The following GRIK1 variants were observed in gnomAD, a reference collection of about 807,000 sequenced individuals.
GRIK1 encodes glutamate receptor ionotropic, kainate 1.
A neutral mutation model predicts 105.7 loss-of-function variants in GRIK1; 69 were observed. That is an observed-to-expected ratio of 0.65 (90% confidence interval 0.54 to 0.80). GRIK1 has a LOEUF of 0.80. GRIK1 is among the 30% of genes least tolerant of loss of function. The pLI is 0.00. For synonymous variants in GRIK1, 438 were observed against 431.3 expected, an observed-to-expected ratio of 1.02 and a Z score of -0.19; for missense variants, 1,109 against 1,167.3, an observed-to-expected ratio of 0.95 and a Z score of 0.73.
intron 1 of GRIK1, among the ~76,000 whole-genome samples, chr21:29,846,890 T>C (rs916199636): frequency 1.2e-4 from 18 of 152,228 alleles, no homozygotes; most frequent in African/African-American, 3.6e-4. Flanking sequence ...TATATGTATG[T>C]ATGTGTGTAT....
At chr21:29,598,378 T>C (rs2061455736) in intron 8 of GRIK1, among the ~76,000 whole-genome samples, 1 of 152,224 alleles carries the variant, frequency 6.6e-6, no homozygotes, top group African/African-American at 2.4e-5. Context: ...GTCTCTTCTA[T>C]CCTACTTTAT....
chr21:29,623,633 C>T lies in GRIK1; in HGVS notation c.1098+19193G>A, dbSNP rs1601303763. Among the ~76,000 whole-genome samples, 7 of 152,096 alleles carry T rather than the reference C, an allele frequency of 4.6e-5. No homozygotes were observed. In the South Asian group the frequency reaches 1.4e-3, roughly 31 times the overall value. On this transcript the variant is annotated intron_variant, in intron 7 of 17. Transcript: ENST00000327783. ...TGTATAAATCCAGCTTAAAAATACC[C>T]TTATTTCATGAATAACCTCAATAAC...
intron 4 of GRIK1, among the ~76,000 whole-genome samples, chr21:29,655,702 G>A (rs1391727936): frequency 6.6e-6 from 1 of 152,152 alleles, no homozygotes; most frequent in African/African-American, 2.4e-5. Flanking sequence ...GGGGAAGAGA[G>A]GATTCATTTA....
At chr21:29,737,254 T>C (rs1032981456) in intron 1 of GRIK1, among the ~76,000 whole-genome samples, 2 of 152,232 alleles carry the variant, frequency 1.3e-5, no homozygotes, top group African/African-American at 4.8e-5. Context: ...CTAACATTTC[T>C]GCTTGAAGCA....
At chr21:29,537,575 T>C (rs964215119) in intron 17 of GRIK1, 190 bp from the exon 18 acceptor site, 25 of 662,836 alleles carry the variant, frequency 3.8e-5, no homozygotes, top group Non-Finnish European at 6.2e-5. Context: ...GAAACTGAGA[T>C]GGCAAGTTAG....
chr21:29,726,188 G>A (rs2064453624), intron 1 of GRIK1, among the ~76,000 whole-genome samples: 1 of 152,180 alleles, frequency 6.6e-6, no homozygotes, highest in Non-Finnish European at 1.5e-5. Context: ...TGAGCAGAAG[G>A]AAATGAATAT....
At chr21:29,853,531 T>C (rs2068371326) in intron 1 of GRIK1, among the ~76,000 whole-genome samples, 1 of 152,240 alleles carries the variant, frequency 6.6e-6, no homozygotes, top group African/African-American at 2.4e-5. Flanking sequence ...ATTTCAGTAG[T>C]AAAAGTATTT....
intron 1 of GRIK1, 39 bp downstream of exon 1, chr21:29,939,344 G>T: frequency 8.1e-7 from 1 of 1,227,006 alleles, no homozygotes; most frequent in South Asian, 1.3e-5. Flanking sequence ...TGCGGCGACC[G>T]ACCACGTCTC....
At chr21:29,773,000 G>A (rs1303547927) in intron 1 of GRIK1, among the ~76,000 whole-genome samples, 1 of 152,128 alleles carries the variant, frequency 6.6e-6, no homozygotes, top group East Asian at 1.9e-4. Flanking sequence ...ATGAACAAAT[G>A]CTGTTAATGA....
At chr21:29,649,599 A>G (rs1346139388) in intron 6 of GRIK1, among the ~76,000 whole-genome samples, 1 of 152,158 alleles carries the variant, frequency 6.6e-6, no homozygotes, top group Admixed American at 6.5e-5. Context: ...GCCTGATTCC[A>G]CATGAATTGC....
chr21:29,544,670 T>A (rs1206295592), intron 16 of GRIK1, among the ~76,000 whole-genome samples: 1 of 152,232 alleles, frequency 6.6e-6, no homozygotes, highest in Non-Finnish European at 1.5e-5. Context: ...TTGAAGCTAT[T>A]AATTACAACA....
At position 29,806,456 on chromosome 21, in the gene GRIK1, A is replaced by G. The variant is rs867941297; in HGVS notation, c.119-112393T>C. On this transcript the variant is annotated intron_variant, in intron 1 of 17. Transcript: ENST00000327783. ...TACTTAGATTAGCAGGTTTATGATA[A>G]TCATTTTGGCATTATTTTCCCACTG... 1.8e-4 allele frequency among the ~76,000 whole-genome samples: 27 copies of G among 152,258 alleles called. No homozygotes were observed. In the South Asian group the frequency reaches 2.3e-3, roughly 13 times the overall value.
chr21:29,597,605 A>T (rs753440035), intron 8 of GRIK1: 1 of 435,544 alleles, frequency 2.3e-6, no homozygotes, highest in Non-Finnish European at 4.7e-6. Context: ...GACTGGCTGG[A>T]TGCCCTGTGC....
At chr21:29,660,509 G>A (rs1024934692) in intron 4 of GRIK1, among the ~76,000 whole-genome samples, 6 of 152,178 alleles carry the variant, frequency 3.9e-5, no homozygotes, top group Non-Finnish European at 8.8e-5. Context: ...AGACAGCAAT[G>A]AAAAATTCCT....
intron 7 of GRIK1, among the ~76,000 whole-genome samples, chr21:29,602,212 G>A (rs1445061758): frequency 1.3e-5 from 2 of 152,062 alleles, no homozygotes; most frequent in Admixed American, 1.3e-4. Flanking sequence ...ACCATAGAGG[G>A]GTTTAATGAA....
At chr21:29,554,165 G>T (rs540706730) in intron 16 of GRIK1, among the ~76,000 whole-genome samples, 6 of 152,224 alleles carry the variant, frequency 3.9e-5, no homozygotes, top group African/African-American at 1.4e-4. Context: ...GGGACACTTT[G>T]TTCAAAAATT....
chr21:29,697,979 GTCTCTTTCTTTCTT>G (rs934868180), intron 1 of GRIK1, among the ~76,000 whole-genome samples: 14 of 109,704 alleles, frequency 1.3e-4, no homozygotes, highest in South Asian at 8.2e-4. Context: ...CTTTCTCTCT[GTCTCTTTCTTTCTT>G]TCTCTTTCTT....
At chr21:29,587,149 A>T (rs1412861951) in intron 12 of GRIK1, among the ~76,000 whole-genome samples, 4 of 152,232 alleles carry the variant, frequency 2.6e-5, no homozygotes, top group African/African-American at 9.6e-5. Flanking sequence ...TTAAACTAAT[A>T]TTAAAAATTA....
At chr21:29,714,255 A>G (rs960028863) in intron 1 of GRIK1, among the ~76,000 whole-genome samples, 1 of 151,832 alleles carries the variant, frequency 6.6e-6, no homozygotes, top group African/African-American at 2.4e-5. Context: ...TCTTTGGTAT[A>G]TCTAAGGTTG....
Sources: allele counts gnomAD v4.1 joint callset (sites outside exome capture counted in the v4.1 genomes callset), GRCh38; gene constraint gnomAD v4.1.1; transcripts MANE v1.5; gene names NCBI Gene and HGNC (gene_info 2026-07-23, HGNC 2026-07-21).